Variants in RIT2 observed in about 807,000 individuals in gnomAD.
The protein encoded by RIT2 is Ras like without CAAX 2, also known as GTP-binding protein Rit2.
Under a neutral mutation model 23.7 loss-of-function variants are expected in RIT2, and 24 were observed. The observed-to-expected ratio is 1.01, with a 90% CI of 0.73 to 1.43. The LOEUF (loss-of-function observed/expected upper bound fraction) is 1.43. Ranked by LOEUF, RIT2 falls within the 40% of genes most tolerant of loss-of-function variation. The pLI is 0.00. For missense variants in RIT2, 236 were observed against 266.9 expected, an observed-to-expected ratio of 0.88 and a Z score of 0.81; for synonymous variants, 107 against 91.1, an observed-to-expected ratio of 1.17 and a Z score of -0.99.
At chr18:42,868,811 G>T (rs1907539759) in intron 4 of RIT2, among the ~76,000 whole-genome samples, 1 of 152,154 alleles carries the variant, frequency 6.6e-6, no homozygotes, top group Non-Finnish European at 1.5e-5. Context: ...AGTGGAAATT[G>T]GAATATCAGA....
In RIT2 at chr18:42,776,907, T is replaced by G. The variant is rs1056747459; in HGVS notation, c.427-33187A>C. On this transcript the variant is annotated intron_variant, in intron 4 of 4. Transcript: ENST00000326695. Reference sequence around the variant, plus strand: ...TGTGATGGTCAACATGTATCTAGAATAGACTTTAGAAAGTCTAGAGTAGAA... The same window carrying G: ...TGTGATGGTCAACATGTATCTAGAAGAGACTTTAGAAAGTCTAGAGTAGAA... Among the ~76,000 whole-genome samples the G allele has an allele frequency of 2.6e-5, 4 of 152,282 alleles. No homozygotes were observed. The East Asian group carries it at 7.7e-4, about 29-fold the overall frequency.
At position 42,743,450 on chromosome 18, in the gene RIT2, C is replaced by T; in HGVS notation, c.*43G>A. The T allele has an allele frequency of 7.3e-7, 1 of 1,360,878 alleles. No individual in the cohort carries two copies. The highest frequency in any genetic ancestry group is 1.0e-6 in the Non-Finnish European group (1 of 954,432). The allele number at this position is 1,360,878 out of a possible 1,614,324, so 84.3% of individuals were successfully genotyped here. ...GAATGCTACATATGGAATTGTCCAA[C>T]TAATAAAATTCAGAGAGCGTGAGGA... On this transcript the variant is annotated 3_prime_UTR_variant, in exon 5 of 5. Transcript: ENST00000326695.
intron 4 of RIT2, among the ~76,000 whole-genome samples, chr18:42,830,481 C>T (rs1343702690): frequency 6.6e-6 from 1 of 152,124 alleles, no homozygotes; most frequent in Non-Finnish European, 1.5e-5. Flanking sequence ...GAGGAATTTT[C>T]CAGGGAGAAA....
chr18:42,814,768 A>C (rs2143982409), intron 4 of RIT2, among the ~76,000 whole-genome samples: 1 of 152,210 alleles, frequency 6.6e-6, no homozygotes, highest in Non-Finnish European at 1.5e-5. Context: ...ACCAGAACAA[A>C]ACTAGTTCAT....
chr18:43,043,237 A>G (rs1204491135), intron 1 of RIT2, among the ~76,000 whole-genome samples: 1 of 152,148 alleles, frequency 6.6e-6, no homozygotes, highest in Non-Finnish European at 1.5e-5. Flanking sequence ...TTTGAGAGCC[A>G]TGCAGTAACT....
intron 4 of RIT2, among the ~76,000 whole-genome samples, chr18:42,899,272 C>G (rs1008002144): frequency 6.6e-6 from 1 of 150,676 alleles, no homozygotes; most frequent in African/African-American, 2.4e-5. Context: ...TTTGAAGTGT[C>G]CTGTTTCTTA....
chr18:42,847,491 C>A (rs1486028585), intron 4 of RIT2, among the ~76,000 whole-genome samples: 1 of 152,068 alleles, frequency 6.6e-6, no homozygotes, highest in African/African-American at 2.4e-5. Context: ...ATTACCTTCA[C>A]TTTAAAGATC....
chr18:42,796,509 T>G (rs914860097), intron 4 of RIT2, among the ~76,000 whole-genome samples: 4 of 152,034 alleles, frequency 2.6e-5, no homozygotes, highest in African/African-American at 9.7e-5. Flanking sequence ...TACATGGGTT[T>G]TTCTTGTGGG....
At chr18:43,061,698 C>A (rs1360062616) in intron 1 of RIT2, among the ~76,000 whole-genome samples, 2 of 152,088 alleles carry the variant, frequency 1.3e-5, no homozygotes, top group Non-Finnish European at 2.9e-5. Context: ...AGTAGTCCCC[C>A]ATTCTAAGCT....
chr18:43,006,380 C>T (rs1350212923), intron 2 of RIT2, among the ~76,000 whole-genome samples: 1 of 151,572 alleles, frequency 6.6e-6, no homozygotes, highest in Non-Finnish European at 1.5e-5. Flanking sequence ...CAAAATGTCC[C>T]TGTAGACAAG....
intron 1 of RIT2, among the ~76,000 whole-genome samples, chr18:43,083,409 C>T (rs1598776138): frequency 6.6e-6 from 1 of 152,190 alleles, no homozygotes; most frequent in African/African-American, 2.4e-5. Flanking sequence ...CAAAAAAGAG[C>T]CCATATATCC....
chr18:43,091,877 A>AT (rs1913430990), intron 1 of RIT2, among the ~76,000 whole-genome samples: 1 of 151,988 alleles, frequency 6.6e-6, no homozygotes, highest in Non-Finnish European at 1.5e-5. Context: ...TGATGTGTCC[A>AT]TTTTTCCTTG....
chr18:42,981,616 A>C (rs1261313997), intron 2 of RIT2, among the ~76,000 whole-genome samples: 1 of 152,102 alleles, frequency 6.6e-6, no homozygotes, highest in Non-Finnish European at 1.5e-5. Context: ...CATAATCTCG[A>C]ATGTTGAAAT....
intron 3 of RIT2, among the ~76,000 whole-genome samples, chr18:42,952,964 A>C (rs1262023340): frequency 1.3e-5 from 2 of 148,848 alleles, no homozygotes; most frequent in African/African-American, 4.9e-5. Flanking sequence ...TTTTCACACT[A>C]TACCATCCTT....
intron 4 of RIT2, among the ~76,000 whole-genome samples, chr18:42,772,966 A>G (rs1200599375): frequency 6.6e-6 from 1 of 152,130 alleles, no homozygotes; most frequent in Non-Finnish European, 1.5e-5. Context: ...GAGAGCAAAG[A>G]TGTGTTTATT....
intron 4 of RIT2, among the ~76,000 whole-genome samples, chr18:42,745,962 A>AT (rs1280851338): frequency 2.6e-5 from 4 of 152,072 alleles, no homozygotes; most frequent in African/African-American, 9.7e-5. Context: ...TGGCTTGCAA[A>AT]TATTTTTTGT....
intron 4 of RIT2, among the ~76,000 whole-genome samples, chr18:42,804,273 G>A (rs950925051): frequency 6.6e-6 from 1 of 152,082 alleles, no homozygotes; most frequent in African/African-American, 2.4e-5. Context: ...AATTAAAGAG[G>A]CTGGGTGTGG....
rs373306741 is a variant in RIT2 at position 42,987,612 on chromosome 18, A to T, written c.161-13465T>A. Among the ~76,000 whole-genome samples, 42 of 152,350 alleles carry T rather than the reference A, an allele frequency of 2.8e-4. No individual in the cohort carries two copies. The East Asian group carries it at 7.7e-3, about 28-fold the overall frequency. ...GGGAAAGGCATAAATAAGAATATTT[A>T]TATCACCATTATTCATACCATCCCT... On this transcript the variant is annotated intron_variant, in intron 2 of 4. Coordinates refer to ENST00000326695, the MANE Select transcript of RIT2 (RefSeq NM_002930.4).
chr18:42,798,026 G>A (rs1905424502), intron 4 of RIT2, among the ~76,000 whole-genome samples: 1 of 152,070 alleles, frequency 6.6e-6, no homozygotes, highest in Admixed American at 6.6e-5. Context: ...TCTAGATCAT[G>A]AAGCTTAACT....
Sources: gnomAD v4.1 joint callset for allele counts (sites outside exome capture counted in the v4.1 genomes callset) on GRCh38, gnomAD v4.1.1 for gene constraint, MANE v1.5 for transcripts, NCBI Gene and HGNC (gene_info 2026-07-23, HGNC 2026-07-21) for gene names.